Variants in ZFP36L1 observed in about 807,000 individuals in gnomAD.
ZFP36L1 encodes ZFP36 like 1 zinc finger CCCH-type.
Under a neutral mutation model 16.7 loss-of-function variants are expected in ZFP36L1, and 4 were observed. The observed-to-expected ratio is 0.24, with a 90% CI of 0.12 to 0.55. The LOEUF (loss-of-function observed/expected upper bound fraction) is 0.55. Ranked by LOEUF, ZFP36L1 falls within the 20% of genes least tolerant of loss-of-function variation. The pLI is 0.94. For missense variants in ZFP36L1, 311 were observed against 449.2 expected, an observed-to-expected ratio of 0.69 and a Z score of 2.78; for synonymous variants, 220 against 190.8, an observed-to-expected ratio of 1.15 and a Z score of -1.26.
chr14:68,788,505 G>C lies in ZFP36L1; in HGVS notation c.*1028C>G, dbSNP rs1037151599. ...AAGGATAGACCTACGGTATTCTAGA[G>C]CAAAAACCATTAAAGCTACTTCTAC... On this transcript the variant is annotated 3_prime_UTR_variant, in exon 2 of 2. Transcript: ENST00000439696. 1 of 152,630 alleles carries C rather than the reference G, an allele frequency of 6.6e-6. No individual in the cohort carries two copies. Among genetic ancestry groups the C allele is most frequent in the African/African-American group, 2.4e-5 (1 of 41,394 alleles). The allele number at this position is 152,630 out of a possible 1,614,324, so 9.5% of individuals were successfully genotyped here.
rs1895006085 is a variant in ZFP36L1, at chr14:68,789,480, T to C, written c.*53A>G. The C allele has an allele frequency of 1.2e-6, 2 of 1,608,264 alleles. No homozygotes were observed. The highest frequency in any genetic ancestry group is 1.3e-5 in the African/African-American group (1 of 74,628). ...TGGGTAGGGAGAAGAGGGTATGGGA[T>C]GTGGGTGCAGGGTAGGGGCTGGAGT... On this transcript the variant is annotated 3_prime_UTR_variant, in exon 2 of 2. Transcript: ENST00000439696. This position sits in a 1 kb window ranked among gnomAD's most constrained non-coding sequence, Gnocchi z 4.5.
upstream of ZFP36L1, chr14:68,795,871 C>T (rs1334293849): frequency 3.2e-6 from 2 of 629,638 alleles, no homozygotes; most frequent in African/African-American, 3.7e-5. Flanking sequence ...ACCCGGCGTC[C>T]CCGCCGCGGT....
At chr14:68,793,091 T>A, upstream of ZFP36L1, 3 of 1,550,110 alleles carry the variant, frequency 1.9e-6, no homozygotes, top group Non-Finnish European at 2.6e-6. Flanking sequence ...CAAAGCCCAA[T>A]TTATAAAGTT....
Position 68,789,750 on chromosome 14 carries a change from C to T in ZFP36L1, c.800G>A (p.Gly267Glu), listed in dbSNP as rs1895016009. 1 of 1,613,610 alleles carries T rather than the reference C, an allele frequency of 6.2e-7. No homozygotes were observed. Among genetic ancestry groups the T allele is most frequent in the South Asian group, 1.1e-5 (1 of 91,062 alleles). ...GGTCGGGGAGCCACCCCCGGGCAGCCCCATGCTAGGGGCAAAGAGGCTTGC... is the reference window on the plus strand; with the variant it reads ...GGTCGGGGAGCCACCCCCGGGCAGCTCCATGCTAGGGGCAAAGAGGCTTGC... ...ELASLFAPSM[G>E]LPGGGSPTTF... The change falls in exon 2 of 2, where the codon GGG becomes GAG. Residue 267 changes from glycine (G) to glutamate (E), a missense_variant. Gly to Glu is a moderately conservative substitution (Grantham distance 98). Transcript: ENST00000439696. The surrounding 1 kb of genome is among the most constrained non-coding windows in gnomAD (Gnocchi z 4.5).
Position 68,793,004 on chromosome 14 carries a change from G to C in ZFP36L1, c.-66C>G. ...TCGCGAAGGTCCCGGTGCGGGGAAG[G>C]CGCAGCCTCTCCTGTCTGGAGTCCC... is the stretch of plus-strand genomic sequence containing the variant. On this transcript the variant is annotated 5_prime_UTR_variant, in exon 1 of 2. Transcript: ENST00000439696. 3 of 1,609,430 alleles carry C rather than the reference G, an allele frequency of 1.9e-6. No individual in the cohort carries two copies. The highest frequency in any genetic ancestry group is 2.5e-6 in the Non-Finnish European group (3 of 1,179,274).
chr14:68,793,794 C>G (rs17106304), upstream of ZFP36L1: 648,085 of 985,082 alleles, frequency 0.66, 213,487 homozygotes, highest in East Asian at 0.78. Context: ...GTGGGGCGCG[C>G]TGCTGGGGGG....
upstream of ZFP36L1, chr14:68,796,111 G>C (rs374961368): frequency 2.2e-6 from 3 of 1,363,876 alleles, no homozygotes; most frequent in Non-Finnish European, 9.8e-7. Flanking sequence ...CGGTGGGCCG[G>C]CTCCTCTGTC....
intron 1 of ZFP36L1, among the ~76,000 whole-genome samples, chr14:68,792,160 T>A (rs1450121054): frequency 6.6e-6 from 1 of 152,000 alleles, no homozygotes; most frequent in Non-Finnish European, 1.5e-5. Flanking sequence ...ACTCTCGAGT[T>A]CAAGCCAGCA....
At chr14:68,793,521 G>C (rs1230227661), upstream of ZFP36L1, 1 of 985,826 alleles carries the variant, frequency 1.0e-6, no homozygotes, top group Non-Finnish European at 1.2e-6. Context: ...TTTTTGTTGG[G>C]CAGGAAGGCG....
chr14:68,793,950 AC>A, upstream of ZFP36L1: 2 of 984,110 alleles, frequency 2.0e-6, no homozygotes, highest in Non-Finnish European at 2.4e-6. Context: ...GCAAAAAAAG[AC>A]CACAACCCGG....
chr14:68,792,075 TA>T (rs1895090428), intron 1 of ZFP36L1, among the ~76,000 whole-genome samples: 1 of 152,212 alleles, frequency 6.6e-6, no homozygotes, highest in Non-Finnish European at 1.5e-5. Context: ...ATTCCGAGTT[TA>T]AAACTTGCTT....
Position 68,792,884 on chromosome 14 carries a change from T to A in ZFP36L1, c.55A>T (p.Lys19Ter). 1 of 1,614,056 alleles carries A rather than the reference T, an allele frequency of 6.2e-7. No individual in the cohort carries two copies. ...GCAAATGCTCCGCCCCCCTTTACCT[T>A]GCATAAAACTTCGCTCAAGTCGAAG... ...TIFDLSEVLCKGNKMLNYSAP... is the reference protein window; with the variant it reads ...TIFDLSEVLC Residue 19 changes from lysine to a stop codon, truncating the protein, a stop_gained and splice_region_variant, in exon 1 of 2, where the codon AAG (lysine) becomes TAG (stop). Coordinates refer to ENST00000439696, the MANE Select transcript of ZFP36L1 (RefSeq NM_004926.4). LOFTEE classifies it high-confidence loss of function.
intron 1 of ZFP36L1, 24 bp from the exon 2 acceptor site, chr14:68,790,516 G>A (rs577942514): frequency 4.3e-6 from 7 of 1,612,412 alleles, no homozygotes; most frequent in Admixed American, 3.3e-5. Flanking sequence ...AGAAAGGATG[G>A]TAAGGACAGA....
chr14:68,792,366 G>C (rs531837141), intron 1 of ZFP36L1, among the ~76,000 whole-genome samples: 159 of 152,214 alleles, frequency 1.0e-3, no homozygotes, highest in African/African-American at 3.5e-3. Flanking sequence ...ACATCTTTTT[G>C]AATCACAACT....
rs1046438799 is a variant in ZFP36L1 at position 68,789,265 on chromosome 14, T to C, written c.*268A>G. 2.2e-5 allele frequency: 10 copies of C among 464,106 alleles called. No individual in the cohort carries two copies. Among genetic ancestry groups the C allele is most frequent in the Admixed American group, 1.1e-4 (3 of 26,286 alleles). 28.7% of individuals were successfully genotyped at this position (464,106 alleles called of 1,614,324 possible). A position where few individuals can be genotyped will look rare whatever the true frequency, so the allele number is the denominator to read the frequency against. ...GCATCTACTGACAAAATATGGGACT[T>C]GTCTGTTATGCATGGTAAGTGGGCT... On this transcript the variant is annotated 3_prime_UTR_variant, in exon 2 of 2. Coordinates refer to ENST00000439696, the MANE Select transcript of ZFP36L1 (RefSeq NM_004926.4). This position sits in a 1 kb window ranked among gnomAD's most constrained non-coding sequence, Gnocchi z 4.5.
At chr14:68,794,896 G>C (rs1895207666), upstream of ZFP36L1, among the ~76,000 whole-genome samples, 2 of 152,152 alleles carry the variant, frequency 1.3e-5, no homozygotes, top group Admixed American at 1.3e-4. Context: ...AGCGGGGTCG[G>C]CTTTCATTTG....
chr14:68,795,191 T>TG (rs1291979139), upstream of ZFP36L1, among the ~76,000 whole-genome samples: 4 of 152,170 alleles, frequency 2.6e-5, no homozygotes, highest in Non-Finnish European at 5.9e-5. Flanking sequence ...GATGAGGTAA[T>TG]GAGTTCCAGA....
chr14:68,789,761 G>A lies in ZFP36L1; in HGVS notation c.789C>T (p.Ala263=), dbSNP rs747171551. ...FSSQELASLF[A]PSMGLPGGGS... ...CACCCCCGGGCAGCCCCATGCTAGG[G>A]GCAAAGAGGCTTGCCAGCTCCTGGC... The change falls in exon 2 of 2, where the codon GCC becomes GCT. Residue 263 remains alanine (A), a synonymous_variant. Coordinates refer to ENST00000439696, the MANE Select transcript of ZFP36L1 (RefSeq NM_004926.4). This position sits in a 1 kb window ranked among gnomAD's most constrained non-coding sequence, Gnocchi z 4.5. 4.3e-6 allele frequency: 7 copies of A among 1,613,916 alleles called. No individual in the cohort carries two copies. The highest frequency in any genetic ancestry group is 2.2e-5 in the East Asian group (1 of 44,848).
chr14:68,790,439 G>C lies in ZFP36L1; in HGVS notation c.111C>G (p.Asp37Glu). ...CAGCAGGGGTGCCCACTGCCTTTCT[G>C]TCCAGCAGGCAACCCCCTGCACTGG... ...SAPSAGGCLL[D>E]RKAVGTPAGG... Residue 37 changes from aspartate (D) to glutamate (E), a missense_variant, in exon 2 of 2, where the codon GAC (aspartate) becomes GAG (glutamate). Asp to Glu is a conservative substitution (Grantham distance 45). Coordinates refer to ENST00000439696, the MANE Select transcript of ZFP36L1 (RefSeq NM_004926.4). 6.2e-7 allele frequency: 1 copy of C among 1,614,112 alleles called. No individual in the cohort carries two copies. Among genetic ancestry groups the C allele is most frequent in the Non-Finnish European group, 8.5e-7 (1 of 1,180,000 alleles).
Sources: allele counts gnomAD v4.1 joint callset (sites outside exome capture counted in the v4.1 genomes callset), GRCh38; gene constraint gnomAD v4.1.1; non-coding constraint Gnocchi (gnomAD v3.1); transcripts MANE v1.5; gene names NCBI Gene and HGNC (gene_info 2026-07-23, HGNC 2026-07-21).